ELMO1: variants seen among roughly 807,000 people sequenced by gnomAD.
ELMO1 encodes the protein engulfment and cell motility protein 1.
A neutral mutation model predicts 98.9 loss-of-function variants in ELMO1; 26 were observed. The ratio of observed to expected loss-of-function variants is 0.26; its 90% CI spans 0.19 to 0.36. The LOEUF is 0.36. Among genes scored for constraint, ELMO1 ranks in the 10% least tolerant of loss-of-function variants. The pLI is 1.00. For missense variants in ELMO1, 627 were observed against 935.2 expected, an observed-to-expected ratio of 0.67 and a Z score of 4.30; for synonymous variants, 346 against 346.0, an observed-to-expected ratio of 1.00 and a Z score of 0.00.
chr7:36,973,983 G>C (rs1212167429), intron 16 of ELMO1, among the ~76,000 whole-genome samples: 1 of 152,234 alleles, frequency 6.6e-6, no homozygotes, highest in East Asian at 1.9e-4. Flanking sequence ...CCGCGGGGCA[G>C]GGCTCGGGAC....
chr7:37,400,630 A>G (rs76400813), intron 1 of ELMO1, among the ~76,000 whole-genome samples: 3,034 of 152,322 alleles, frequency 0.02, 117 homozygotes, highest in African/African-American at 0.067. Context: ...AAACGGTGGA[A>G]GAGAATACAG....
At chr7:37,106,229 C>T (rs530925280) in intron 14 of ELMO1, among the ~76,000 whole-genome samples, 1 of 152,182 alleles carries the variant, frequency 6.6e-6, no homozygotes, top group East Asian at 1.9e-4. Flanking sequence ...ATGATGGTGC[C>T]CCTTCCGAAG....
chr7:37,392,519 C>G (rs1366234320), intron 1 of ELMO1, among the ~76,000 whole-genome samples: 1 of 152,224 alleles, frequency 6.6e-6, no homozygotes, highest in East Asian at 1.9e-4. Flanking sequence ...ACCATGAAAT[C>G]TGAGCAAATT....
At chr7:37,250,495 T>A (rs1795284157) in intron 6 of ELMO1, among the ~76,000 whole-genome samples, 1 of 152,206 alleles carries the variant, frequency 6.6e-6, no homozygotes, top group Non-Finnish European at 1.5e-5. Context: ...AAACGACAGA[T>A]AATTTTTCAT....
intron 16 of ELMO1, among the ~76,000 whole-genome samples, chr7:36,911,894 T>C (rs1339538781): frequency 6.6e-6 from 1 of 152,092 alleles, no homozygotes; most frequent in Non-Finnish European, 1.5e-5. Context: ...AGTCCCCACA[T>C]ATCATTAATC....
At chr7:37,258,188 A>G (rs1445346996) in intron 6 of ELMO1, among the ~76,000 whole-genome samples, 1 of 152,124 alleles carries the variant, frequency 6.6e-6, no homozygotes, top group Non-Finnish European at 1.5e-5. Context: ...GAATTGCTTG[A>G]ACCCAGGAGG....
At chr7:37,006,506 C>T (rs1793132637) in intron 16 of ELMO1, among the ~76,000 whole-genome samples, 1 of 152,218 alleles carries the variant, frequency 6.6e-6, no homozygotes, top group South Asian at 2.1e-4. Context: ...GATCCTCCTG[C>T]TAATTCAGCC....
chr7:36,923,956 C>A (rs1298246351), intron 16 of ELMO1, among the ~76,000 whole-genome samples: 1 of 152,056 alleles, frequency 6.6e-6, no homozygotes, highest in Admixed American at 6.6e-5. Flanking sequence ...GGAAGCTTGG[C>A]TGGAGGAAAA....
At chr7:37,306,334 T>G (rs973635402) in intron 4 of ELMO1, among the ~76,000 whole-genome samples, 1 of 152,140 alleles carries the variant, frequency 6.6e-6, no homozygotes, top group Non-Finnish European at 1.5e-5. Context: ...ATTGAAGGAA[T>G]AAGAGAAAGA....
intron 16 of ELMO1, among the ~76,000 whole-genome samples, chr7:37,008,633 T>TA (rs1562893248): frequency 6.6e-6 from 1 of 152,174 alleles, no homozygotes; most frequent in Non-Finnish European, 1.5e-5. Context: ...TTACAGTAAT[T>TA]ACTTCAATTT....
intron 16 of ELMO1, among the ~76,000 whole-genome samples, chr7:36,904,746 G>A (rs998444335): frequency 7.9e-5 from 12 of 152,228 alleles, no homozygotes; most frequent in African/African-American, 2.7e-4. Flanking sequence ...TTTAGCATCT[G>A]CAGGGAGCTG....
intron 16 of ELMO1, among the ~76,000 whole-genome samples, chr7:36,974,383 C>G (rs535851123): frequency 3.1e-4 from 47 of 152,038 alleles, no homozygotes; most frequent in African/African-American, 1.0e-3. Context: ...ATACACCAAT[C>G]GGCACTCTGT....
chr7:37,439,511 G>C (rs1805305232), intron 1 of ELMO1, among the ~76,000 whole-genome samples: 1 of 152,150 alleles, frequency 6.6e-6, no homozygotes, highest in Admixed American at 6.5e-5. Flanking sequence ...TCCACATATG[G>C]AGTGCCCAGG....
At chr7:37,406,004 T>A (rs1803742482) in intron 1 of ELMO1, among the ~76,000 whole-genome samples, 1 of 152,136 alleles carries the variant, frequency 6.6e-6, no homozygotes, top group Non-Finnish European at 1.5e-5. Flanking sequence ...ACAGGCAGAA[T>A]CAGAAGTCAA....
rs983804541 is a variant in ELMO1 at position 37,321,897 on chromosome 7, G to A, written c.79-5937C>T. 4.0e-4 allele frequency among the ~76,000 whole-genome samples: 51 copies of A among 128,140 alleles called. 1 individual carries two copies. The highest frequency in any genetic ancestry group is 2.1e-3 in the Admixed American group (23 of 11,090). The allele number at this position is 128,140 out of a possible 152,430, so 84.1% of individuals were successfully genotyped here. A position where few individuals can be genotyped will look rare whatever the true frequency, so the allele number is the denominator to read the frequency against. On this transcript the variant is annotated intron_variant, in intron 2 of 21. Coordinates refer to ENST00000310758, the MANE Select transcript of ELMO1 (RefSeq NM_014800.11). ...TTTGTAAACGGAGTCTCCCGTTGTC[G>A]CCCAGGTTGGTGTACAGTGGCATGA...
At chr7:37,271,716 TG>T in intron 5 of ELMO1, 115 bp downstream of exon 5, 2 of 1,078,560 alleles carry the variant, frequency 1.9e-6, no homozygotes, top group Non-Finnish European at 1.4e-6. Flanking sequence ...CAGGACATTC[TG>T]GAAGCCTTTT....
chr7:37,165,720 G>A (rs1263552531), intron 13 of ELMO1, among the ~76,000 whole-genome samples: 1 of 152,104 alleles, frequency 6.6e-6, no homozygotes, highest in African/African-American at 2.4e-5. Flanking sequence ...TTTTTGATGT[G>A]CTGCTGGATT....
intron 1 of ELMO1, among the ~76,000 whole-genome samples, chr7:37,365,796 G>C (rs1198493834): frequency 1.3e-5 from 2 of 152,192 alleles, no homozygotes. Context: ...TCGAGGCAGA[G>C]ACATAGTAAA....
chr7:36,910,188 G>A (rs558583056), intron 16 of ELMO1, among the ~76,000 whole-genome samples: 9 of 152,294 alleles, frequency 5.9e-5, no homozygotes, highest in South Asian at 2.1e-4. Context: ...TTAGAGGTCC[G>A]GTTGATGGAT....
Sources: gnomAD v4.1 joint callset for allele counts (sites outside exome capture counted in the v4.1 genomes callset) on GRCh38, gnomAD v4.1.1 for gene constraint, MANE v1.5 for transcripts, NCBI Gene and HGNC (gene_info 2026-07-23, HGNC 2026-07-21) for gene names.